The following OPCML variants were observed in gnomAD, a reference collection of about 807,000 sequenced individuals.
OPCML encodes opioid-binding protein/cell adhesion molecule.
A neutral mutation model predicts 37.8 loss-of-function variants in OPCML; 13 were observed. The ratio of observed to expected loss-of-function variants is 0.34; its 90% confidence interval spans 0.22 to 0.55. The LOEUF (loss-of-function observed/expected upper bound fraction) is 0.55. Among genes scored for constraint, OPCML ranks in the 20% least tolerant of loss-of-function variants. The pLI, the probability that OPCML is intolerant of heterozygous loss-of-function variation, is 0.91. For missense variants in OPCML, 341 were observed against 435.6 expected (o/e 0.78, Z 1.93); for synonymous variants, 176 against 168.8 (o/e 1.04, Z -0.33).
intron 2 of OPCML, among the ~76,000 whole-genome samples, chr11:132,727,626 A>C (rs1273148673): frequency 6.6e-6 from 1 of 152,158 alleles, no homozygotes; most frequent in African/African-American, 2.4e-5. Flanking sequence ...ACTGACATCG[A>C]GTCCCATGCC....
intron 1 of OPCML, among the ~76,000 whole-genome samples, chr11:133,312,725 T>TA (rs905162410): frequency 6.6e-6 from 1 of 152,202 alleles, no homozygotes; most frequent in Non-Finnish European, 1.5e-5. Flanking sequence ...CCTGCTTAGC[T>TA]AAAAAATAGA....
intron 2 of OPCML, among the ~76,000 whole-genome samples, chr11:132,813,684 G>T (rs576241786): frequency 6.6e-6 from 1 of 152,240 alleles, no homozygotes; most frequent in South Asian, 2.1e-4. Context: ...TTTATCCACT[G>T]TTTTTTGTCC....
chr11:132,989,925 G>T (rs929996961), intron 1 of OPCML, among the ~76,000 whole-genome samples: 21 of 152,006 alleles, frequency 1.4e-4, no homozygotes, highest in Admixed American at 2.0e-4. Flanking sequence ...ATCACCCTTG[G>T]ATGATTTTCC....
At chr11:132,941,316 G>A (rs1945569498) in intron 2 of OPCML, among the ~76,000 whole-genome samples, 1 of 152,160 alleles carries the variant, frequency 6.6e-6, no homozygotes, top group South Asian at 2.1e-4. Context: ...TGAGGGACAG[G>A]AAGAGGACAG....
intron 1 of OPCML, among the ~76,000 whole-genome samples, chr11:133,392,026 A>G (rs1411917546): frequency 1.3e-5 from 2 of 152,138 alleles, no homozygotes; most frequent in Admixed American, 1.3e-4. Context: ...ATTAAAGACT[A>G]TTTTTTTCAA....
chr11:133,245,807 G>A (rs770803392), intron 1 of OPCML, among the ~76,000 whole-genome samples: 63 of 152,210 alleles, frequency 4.1e-4, no homozygotes, highest in Admixed American at 6.5e-4. Context: ...GTGAGTTCAT[G>A]TTCTTTGCAG....
chr11:133,357,149 A>G (rs186874612), intron 1 of OPCML, among the ~76,000 whole-genome samples: 1 of 152,320 alleles, frequency 6.6e-6, no homozygotes, highest in African/African-American at 2.4e-5. Flanking sequence ...ACTGTTATGT[A>G]TTCTACACTA....
chr11:132,534,579 C>T (rs2096335230), intron 3 of OPCML, among the ~76,000 whole-genome samples: 1 of 152,144 alleles, frequency 6.6e-6, no homozygotes, highest in Admixed American at 6.5e-5. Flanking sequence ...TGTGATTTTG[C>T]ACATATCAGC....
At chr11:132,594,670 C>A (rs2096489736) in intron 3 of OPCML, among the ~76,000 whole-genome samples, 1 of 152,228 alleles carries the variant, frequency 6.6e-6, no homozygotes, top group Non-Finnish European at 1.5e-5. Flanking sequence ...AAGGGATGGG[C>A]TGGTTTTAAC....
chr11:132,742,620 G>A (rs878970434), intron 2 of OPCML, among the ~76,000 whole-genome samples: 8 of 151,688 alleles, frequency 5.3e-5, no homozygotes, highest in South Asian at 2.1e-4. Flanking sequence ...TTGGTATAGC[G>A]CTCCATGCCA....
At position 133,177,674 on chromosome 11, in the gene OPCML, G is replaced by C. The variant is rs1937627932; in HGVS notation, c.62-234664C>G. ...CCTCAAAGGGCAAGACTTCTCAGAA[G>C]CATCCAGTGAAATCGCAGTAACAGT... is the stretch of plus-strand genomic sequence containing the variant. On this transcript the variant is annotated intron_variant, in intron 1 of 7. Coordinates refer to ENST00000524381, the MANE Select transcript of OPCML (RefSeq NM_001012393.5). This position sits in a 1 kb window ranked among gnomAD's most constrained non-coding sequence, Gnocchi z 5.0. 6.6e-6 allele frequency among the ~76,000 whole-genome samples: 1 copy of C among 152,144 alleles called. No individual in the cohort carries two copies. Among genetic ancestry groups the C allele is most frequent in the Admixed American group, 6.5e-5 (1 of 15,276 alleles).
At position 133,144,417 on chromosome 11, in the gene OPCML, C is replaced by T. The variant is rs201784418; in HGVS notation, c.62-201407G>A. Among the ~76,000 whole-genome samples the T allele has an allele frequency of 2.6e-5, 4 of 152,322 alleles. No individual in the cohort carries two copies. The East Asian group carries it at 5.8e-4, about 22-fold the overall frequency. The stretch of plus-strand genomic sequence containing the variant: ...CCTCTTCAGCAATAATGTTTTATTT[C>T]TTCAGGCAGCTGGCGTATCCATTTC... On this transcript the variant is annotated intron_variant, in intron 1 of 7. Transcript: ENST00000524381.
intron 4 of OPCML, among the ~76,000 whole-genome samples, chr11:132,481,483 C>T (rs543000752): frequency 0.021 from 3,129 of 149,808 alleles, 116 homozygotes; most frequent in African/African-American, 0.073. Flanking sequence ...GACTTTAACA[C>T]CCCACTGTCA....
intron 2 of OPCML, among the ~76,000 whole-genome samples, chr11:132,907,384 G>T (rs186965986): frequency 1.3e-5 from 2 of 152,110 alleles, no homozygotes; most frequent in African/African-American, 4.8e-5. Context: ...TGTAATCCCA[G>T]CACTTTGGGA....
At position 133,444,105 on chromosome 11, in the gene OPCML, G is replaced by A. The variant is rs187259780; in HGVS notation, c.61+88159C>T. ...AAACCTCTGAGAACAGGGGAGACAC[G>A]GCCTTTTCTAAATGCTTCTCCATGT... is the stretch of plus-strand genomic sequence containing the variant. On this transcript the variant is annotated intron_variant, in intron 1 of 7. Transcript: ENST00000524381. Among the ~76,000 whole-genome samples, 39 of 152,106 alleles carry A rather than the reference G, an allele frequency of 2.6e-4. 1 individual carries two copies. The highest frequency in any genetic ancestry group is 5.2e-4 in the Admixed American group (8 of 15,264).
chr11:133,397,745 T>C (rs970338732), intron 1 of OPCML, among the ~76,000 whole-genome samples: 5 of 152,170 alleles, frequency 3.3e-5, no homozygotes, highest in Non-Finnish European at 5.9e-5. Context: ...AGAGATAGTG[T>C]GGGGTTGCAA....
At chr11:132,936,093 T>C (rs2136649465) in intron 2 of OPCML, among the ~76,000 whole-genome samples, 1 of 152,318 alleles carries the variant, frequency 6.6e-6, no homozygotes, top group African/African-American at 2.4e-5. Flanking sequence ...ATAGATGGGC[T>C]TCACTTGAGT....
chr11:133,483,828 GGATGGATAC>G (rs1947453214), intron 1 of OPCML, among the ~76,000 whole-genome samples: 1 of 144,380 alleles, frequency 6.9e-6, no homozygotes, highest in South Asian at 2.2e-4. Context: ...TAGATAGATA[GGATGGATAC>G]ATAGATGATA....
intron 2 of OPCML, among the ~76,000 whole-genome samples, chr11:132,878,883 A>C: frequency 6.6e-6 from 1 of 152,252 alleles, no homozygotes; most frequent in Non-Finnish European, 1.5e-5. Flanking sequence ...GAGCATGATT[A>C]GAATTCAAGG....
Sources: gnomAD v4.1 joint callset for allele counts (sites outside exome capture counted in the v4.1 genomes callset) on GRCh38, gnomAD v4.1.1 for gene constraint, Gnocchi (gnomAD v3.1) non-coding constraint, MANE v1.5 for transcripts, NCBI Gene and HGNC (gene_info 2026-07-23, HGNC 2026-07-21) for gene names.